ATP8A2: variants seen among roughly 807,000 people sequenced by gnomAD.
ATP8A2 encodes phospholipid-transporting ATPase IB.
Under a neutral mutation model 165.6 loss-of-function variants are expected in ATP8A2, and 100 were observed. The ratio of observed to expected loss-of-function variants is 0.60; its 90% confidence interval spans 0.51 to 0.71. The LOEUF is 0.71. Ranked by LOEUF, ATP8A2 falls within the 30% of genes least tolerant of loss-of-function variation. The pLI is 0.00. For synonymous variants in ATP8A2, 543 were observed against 548.8 expected, an observed-to-expected ratio of 0.99 and a Z score of 0.15; for missense variants, 1,227 against 1,479.5, an observed-to-expected ratio of 0.83 and a Z score of 2.80.
At chr13:25,846,232 T>C (rs1488074100) in intron 30 of ATP8A2, among the ~76,000 whole-genome samples, 5 of 152,194 alleles carry the variant, frequency 3.3e-5, no homozygotes, top group Admixed American at 6.5e-5. Context: ...GCTCCTCCTG[T>C]GTTCTGGGGA....
At chr13:25,542,853 A>G (rs556129523) in intron 9 of ATP8A2, among the ~76,000 whole-genome samples, 1 of 152,254 alleles carries the variant, frequency 6.6e-6, no homozygotes, top group African/African-American at 2.4e-5. Flanking sequence ...AAAAATTGAT[A>G]TGATAGGTTG....
chr13:25,598,233 C>T (rs570486302), intron 24 of ATP8A2, among the ~76,000 whole-genome samples: 1 of 152,300 alleles, frequency 6.6e-6, no homozygotes, highest in South Asian at 2.1e-4. Context: ...ATGTATCCCT[C>T]TTTGTGCCCA....
chr13:25,605,051 A>T (rs1593631442), intron 24 of ATP8A2, among the ~76,000 whole-genome samples: 1 of 152,226 alleles, frequency 6.6e-6, no homozygotes, highest in East Asian at 1.9e-4. Context: ...GTTGAATGTC[A>T]ACAGCGATGA....
intron 33 of ATP8A2, among the ~76,000 whole-genome samples, chr13:25,879,898 A>G (rs767267521): frequency 2.0e-5 from 3 of 152,208 alleles, no homozygotes; most frequent in Non-Finnish European, 4.4e-5. Flanking sequence ...GCCTAACTCA[A>G]TCGATAATTG....
At chr13:25,448,957 G>T (rs2035140810) in intron 1 of ATP8A2, among the ~76,000 whole-genome samples, 2 of 152,108 alleles carry the variant, frequency 1.3e-5, no homozygotes, top group African/African-American at 4.8e-5. Flanking sequence ...GAGCCACCGT[G>T]CCCAGCCAAT....
intron 24 of ATP8A2, among the ~76,000 whole-genome samples, chr13:25,603,916 A>T (rs2040452316): frequency 6.6e-6 from 1 of 152,048 alleles, no homozygotes; most frequent in African/African-American, 2.4e-5. Flanking sequence ...ATCAGGGGAA[A>T]GGTCTATTAT....
intron 24 of ATP8A2, among the ~76,000 whole-genome samples, chr13:25,607,690 G>T (rs2040553813): frequency 6.6e-6 from 1 of 151,680 alleles, no homozygotes; most frequent in African/African-American, 2.4e-5. Context: ...CTATATTTCT[G>T]AAACAGTGTT....
chr13:25,627,390 C>T (rs763496700), intron 24 of ATP8A2, among the ~76,000 whole-genome samples: 1 of 152,178 alleles, frequency 6.6e-6, no homozygotes. Context: ...GAATTATGTT[C>T]CCCCAAAATT....
At chr13:25,669,971 C>A (rs2042232111) in intron 24 of ATP8A2, among the ~76,000 whole-genome samples, 1 of 152,164 alleles carries the variant, frequency 6.6e-6, no homozygotes, top group African/African-American at 2.4e-5. Context: ...GCAAGCCACA[C>A]TAGGAGGGCA....
chr13:25,949,390 C>T (rs9783540), intron 33 of ATP8A2, among the ~76,000 whole-genome samples: 7,911 of 152,238 alleles, frequency 0.052, 643 homozygotes, highest in African/African-American at 0.18. Flanking sequence ...TTGACATTGA[C>T]GCTAATAGTC....
chr13:25,820,185 G>C (rs1380426965), intron 27 of ATP8A2, among the ~76,000 whole-genome samples: 1 of 152,236 alleles, frequency 6.6e-6, no homozygotes, highest in Non-Finnish European at 1.5e-5. Context: ...AATTAGCCAA[G>C]ACGGTTACTG....
chr13:25,807,260 C>G (rs1036014816), intron 27 of ATP8A2, among the ~76,000 whole-genome samples: 1 of 151,768 alleles, frequency 6.6e-6, no homozygotes, highest in Non-Finnish European at 1.5e-5. Context: ...AAATTACTGC[C>G]TAGCCCAAGG....
At chr13:25,834,126 C>G (rs1951547048) in intron 28 of ATP8A2, among the ~76,000 whole-genome samples, 1 of 152,128 alleles carries the variant, frequency 6.6e-6, no homozygotes, top group Non-Finnish European at 1.5e-5. Context: ...TTTCACAGAA[C>G]TGCAAATCCA....
intron 35 of ATP8A2, among the ~76,000 whole-genome samples, chr13:25,991,059 T>C (rs200499431): frequency 1.5e-3 from 229 of 152,284 alleles, no homozygotes; most frequent in African/African-American, 5.1e-3. Flanking sequence ...GCTCAGCTAA[T>C]GAGGTCAGAA....
chr13:25,401,364 T>C (rs1272135805), intron 1 of ATP8A2, among the ~76,000 whole-genome samples: 1 of 152,230 alleles, frequency 6.6e-6, no homozygotes, highest in Admixed American at 6.5e-5. Context: ...CCTGAAATAG[T>C]ATACTGTAAC....
chr13:25,903,516 C>T (rs1337588505), intron 33 of ATP8A2, among the ~76,000 whole-genome samples: 1 of 152,228 alleles, frequency 6.6e-6, no homozygotes, highest in Non-Finnish European at 1.5e-5. Context: ...TGTTCAGAAA[C>T]TTGCCGTGGC....
At chr13:25,932,696 G>A (rs1566280511) in intron 33 of ATP8A2, among the ~76,000 whole-genome samples, 1 of 152,204 alleles carries the variant, frequency 6.6e-6, no homozygotes, top group Non-Finnish European at 1.5e-5. Flanking sequence ...TATGGGATTT[G>A]TCCTGGGTGT....
intron 20 of ATP8A2, among the ~76,000 whole-genome samples, chr13:25,578,432 C>G (rs2039679254): frequency 6.6e-6 from 1 of 152,296 alleles, no homozygotes; most frequent in Admixed American, 6.5e-5. Context: ...TATTGGGAGG[C>G]AGGATTGTAC....
intron 33 of ATP8A2, among the ~76,000 whole-genome samples, chr13:25,890,660 T>C (rs1953329900): frequency 6.6e-6 from 1 of 152,252 alleles, no homozygotes. Flanking sequence ...TGGGACAGAC[T>C]GATTTTGAGC....
Sources: gnomAD v4.1 joint callset for allele counts (sites outside exome capture counted in the v4.1 genomes callset) on GRCh38, gnomAD v4.1.1 for gene constraint, MANE v1.5 for transcripts, NCBI Gene and HGNC (gene_info 2026-07-23, HGNC 2026-07-21) for gene names.